The following PREP variants were observed in gnomAD, a reference collection of about 807,000 sequenced individuals.
The protein encoded by PREP is dJ355L5.1 (prolyl endopeptidase).
Under a neutral mutation model 87.6 loss-of-function variants are expected in PREP, and 29 were observed. That is an observed-to-expected ratio of 0.33 (90% CI 0.25 to 0.45). The LOEUF (loss-of-function observed/expected upper bound fraction) is 0.45, where lower values mean the gene tolerates loss of function less well. Ranked by LOEUF, PREP falls within the 20% of genes least tolerant of loss-of-function variation. PREP has a pLI of 1.00. For synonymous variants in PREP, 337 were observed against 328.6 expected (o/e 1.03, Z -0.28); for missense variants, 695 against 886.5 (o/e 0.78, Z 2.74).
At chr6:105,309,469 C>A (rs183013261) in intron 10 of PREP, among the ~76,000 whole-genome samples, 33 of 152,144 alleles carry the variant, frequency 2.2e-4, no homozygotes, top group Non-Finnish European at 4.1e-4. Context: ...CCTGTCTCAG[C>A]CTCCCGAGTA....
chr6:105,334,404 T>C (rs1771425649), intron 7 of PREP, among the ~76,000 whole-genome samples: 1 of 152,172 alleles, frequency 6.6e-6, no homozygotes, highest in Non-Finnish European at 1.5e-5. Flanking sequence ...GATCTATTCA[T>C]TTATTTGTTT....
chr6:105,333,485 G>C lies in PREP; in HGVS notation c.844C>G (p.Leu282Val), dbSNP rs1771394896. 6.2e-7 allele frequency: 1 copy of C among 1,613,984 alleles called. No homozygotes were observed. Among genetic ancestry groups the C allele is most frequent in the African/African-American group, 1.3e-5 (1 of 74,894 alleles). The stretch of plus-strand genomic sequence containing the variant: ...TATTCCCCTTCAAAGTTGTCAATCA[G>C]TTTTACCCACTTCAGGATTCCTGGC... ...GIAGILKWVK[L>V]IDNFEGEYDY... Residue 282 changes from leucine to valine, a missense_variant, in exon 8 of 15, where the codon CTG (leucine) becomes GTG (valine). By Grantham distance (32) the Leu-to-Val change is conservative. Around this residue, in one of 5 missense-constraint regions of PREP, gnomAD observed 517 missense variants for 620.3 expected, o/e 0.83. Transcript: ENST00000652536.
At chr6:105,369,602 C>T (rs748275221) in intron 5 of PREP, among the ~76,000 whole-genome samples, 3 of 152,108 alleles carry the variant, frequency 2.0e-5, no homozygotes, top group South Asian at 2.1e-4. Flanking sequence ...AGCAAAACAA[C>T]AGACAAATAG....
At chr6:105,331,301 A>T (rs529678079) in intron 8 of PREP, among the ~76,000 whole-genome samples, 1 of 152,308 alleles carries the variant, frequency 6.6e-6, no homozygotes, top group South Asian at 2.1e-4. Context: ...AAGGTTATAC[A>T]AATATATCAC....
chr6:105,369,122 C>A, intron 5 of PREP, 98 bp from the exon 6 acceptor site: 2 of 1,278,672 alleles, frequency 1.6e-6, no homozygotes, highest in Non-Finnish European at 2.2e-6. Context: ...TAACAAGTAG[C>A]TGGCTGCAGG....
At chr6:105,295,987 T>C (rs1194065941) in intron 10 of PREP, among the ~76,000 whole-genome samples, 2 of 152,254 alleles carry the variant, frequency 1.3e-5, no homozygotes, top group African/African-American at 4.8e-5. Flanking sequence ...GTATGATTTA[T>C]GTATGATATA....
intron 11 of PREP, 85 bp from the exon 12 acceptor site, chr6:105,285,665 C>T: frequency 9.8e-7 from 1 of 1,016,672 alleles, no homozygotes; most frequent in Non-Finnish European, 1.5e-6. Flanking sequence ...AAAGTGTATG[C>T]CCAACAACAC....
chr6:105,333,875 A>C (rs1309347206), intron 7 of PREP, among the ~76,000 whole-genome samples: 3 of 152,166 alleles, frequency 2.0e-5, no homozygotes, highest in Admixed American at 2.0e-4. Context: ...GTTCTACAGC[A>C]GTGGCTTCCA....
chr6:105,296,283 C>G (rs990739070), intron 10 of PREP, among the ~76,000 whole-genome samples: 1 of 152,068 alleles, frequency 6.6e-6, no homozygotes, highest in Admixed American at 6.5e-5. Flanking sequence ...CTCTTTTATT[C>G]TGTTACTTCT....
chr6:105,401,454 A>G (rs567609995), intron 1 of PREP, among the ~76,000 whole-genome samples: 86 of 152,342 alleles, frequency 5.6e-4, no homozygotes, highest in Non-Finnish European at 3.4e-4. Context: ...GGTCAGTCCA[A>G]ATATTTCTCA....
intron 8 of PREP, among the ~76,000 whole-genome samples, chr6:105,332,632 G>T (rs562748862): frequency 9.9e-5 from 15 of 152,190 alleles, no homozygotes; most frequent in African/African-American, 3.6e-4. Flanking sequence ...CTTCTTTTGT[G>T]TAAAAAACTG....
intron 4 of PREP, among the ~76,000 whole-genome samples, 194 bp from the exon 5 acceptor site, chr6:105,373,772 G>A (rs1224121096): frequency 2.6e-5 from 4 of 152,210 alleles, no homozygotes; most frequent in African/African-American, 9.6e-5. Context: ...CCTTAGACAA[G>A]CTTCCTAACC....
At chr6:105,297,942 C>T (rs1223660815) in intron 10 of PREP, among the ~76,000 whole-genome samples, 8 of 152,146 alleles carry the variant, frequency 5.3e-5, no homozygotes, top group Admixed American at 1.3e-4. Context: ...TAGAGTACAT[C>T]GATATGAAGC....
intron 6 of PREP, among the ~76,000 whole-genome samples, chr6:105,368,549 G>A (rs1772454893): frequency 6.6e-6 from 1 of 152,152 alleles, no homozygotes; most frequent in Non-Finnish European, 1.5e-5. Flanking sequence ...TCACTTGTAT[G>A]TACAAAGAAA....
intron 5 of PREP, among the ~76,000 whole-genome samples, chr6:105,371,494 C>G (rs1772543097): frequency 1.0e-5 from 1 of 97,232 alleles, no homozygotes; most frequent in Non-Finnish European, 1.8e-5. Context: ...CAGTGAGATT[C>G]CATCTCAAAA....
chr6:105,290,873 T>A (rs1770284288), intron 10 of PREP, among the ~76,000 whole-genome samples: 1 of 152,224 alleles, frequency 6.6e-6, no homozygotes, highest in Non-Finnish European at 1.5e-5. Flanking sequence ...ATTGTGAAGA[T>A]GACTTAATTG....
At position 105,357,267 on chromosome 6, in the gene PREP, T is replaced by C. The variant is rs572061073; in HGVS notation, c.718-4190A>G. Among the ~76,000 whole-genome samples the C allele has an allele frequency of 4.3e-4, 66 of 152,334 alleles. 1 individual carries two copies. The South Asian group carries it at 0.013, about 31-fold the overall frequency. ...GACTCTTTACAGCTTACATCAATCA[T>C]AAATGATGGCTAATTCAGTTGTAGT... On this transcript the variant is annotated intron_variant, in intron 6 of 14. Coordinates refer to ENST00000652536, the MANE Select transcript of PREP (RefSeq NM_002726.5).
intron 10 of PREP, among the ~76,000 whole-genome samples, chr6:105,314,114 T>C (rs1286289013): frequency 1.3e-5 from 2 of 152,222 alleles, no homozygotes; most frequent in South Asian, 4.1e-4. Flanking sequence ...AATAGCATTA[T>C]GTCTTAAAAA....
chr6:105,295,450 A>C (rs902686360), intron 10 of PREP, among the ~76,000 whole-genome samples: 4 of 151,952 alleles, frequency 2.6e-5, no homozygotes, highest in Non-Finnish European at 4.4e-5. Flanking sequence ...ACAAAACCTT[A>C]TGTATCACCC....
Sources: gnomAD v4.1 joint callset for allele counts (sites outside exome capture counted in the v4.1 genomes callset) on GRCh38, gnomAD v4.1.1 for gene constraint, gnomAD v4.1.1 regional missense constraint, MANE v1.5 for transcripts, NCBI Gene and HGNC (gene_info 2026-07-23, HGNC 2026-07-21) for gene names.